WIPF1: variants seen among roughly 807,000 people sequenced by gnomAD.
WIPF1 encodes the protein WAS/WASL-interacting protein family member 1.
WIPF1 carries 13 observed loss-of-function variants against 35.4 expected under a neutral mutation model. The observed-to-expected ratio is 0.37, with a 90% confidence interval of 0.24 to 0.58. WIPF1 has a LOEUF of 0.58. WIPF1 is among the 20% of genes least tolerant of loss of function. WIPF1 has a pLI of 0.74. For synonymous variants in WIPF1, 267 were observed against 266.3 expected (o/e 1.00, Z -0.02); for missense variants, 591 against 667.0 (o/e 0.89, Z 1.25).
upstream of WIPF1, among the ~76,000 whole-genome samples, chr2:174,601,640 A>T (rs1219749194): frequency 6.6e-6 from 1 of 152,368 alleles, no homozygotes; most frequent in East Asian, 1.9e-4. Context: ...CAGGTGCTGG[A>T]TGTAACAGTG....
At chr2:174,632,353 TAGG>T (rs776239447) in intron 1 of WIPF1, among the ~76,000 whole-genome samples, 13 of 151,868 alleles carry the variant, frequency 8.6e-5, no homozygotes, top group Non-Finnish European at 1.3e-4. Flanking sequence ...GGCTGAGAAA[TAGG>T]AGAGAATAAG....
At chr2:174,669,892 TA>T (rs1687971344) in intron 1 of WIPF1, among the ~76,000 whole-genome samples, 1 of 152,096 alleles carries the variant, frequency 6.6e-6, no homozygotes, top group Non-Finnish European at 1.5e-5. Context: ...AAATAAAATT[TA>T]AAAATAATTT....
rs75689219 is a variant in WIPF1 at position 174,676,315 on chromosome 2, CTTTTTTTTTTTTTTTT to C, written c.-39+6443_-39+6458del. On this transcript the variant is annotated intron_variant, in intron 1 of 8. Coordinates refer to the WIPF1 transcript ENST00000272746. Reference sequence around the variant, plus strand: ...CCCTTCCTTCCTTCCTCCCTCCCTTCTTTTTTTTTTTTTTTTTTTTTTTTGACAGGGTCTCACTCTG... The same window carrying C: ...CCCTTCCTTCCTTCCTCCCTCCCTTCTTTTTTTTGACAGGGTCTCACTCTG... 5.4e-5 allele frequency: 3 copies of C among 55,072 alleles called. No homozygotes were observed. The East Asian group carries it at 1.8e-3, about 32-fold the overall frequency. 3.4% of individuals were successfully genotyped at this position (55,072 alleles called of 1,614,324 possible).
At chr2:174,648,284 T>G (rs1356892535) in intron 1 of WIPF1, among the ~76,000 whole-genome samples, 1 of 152,198 alleles carries the variant, frequency 6.6e-6, no homozygotes, top group Non-Finnish European at 1.5e-5. Context: ...GTGCCTAAAG[T>G]AGAACAAGGG....
chr2:174,616,346 A>G (rs1294414399), intron 1 of WIPF1, among the ~76,000 whole-genome samples: 1 of 152,144 alleles, frequency 6.6e-6, no homozygotes, highest in African/African-American at 2.4e-5. Context: ...TCATGTGTCT[A>G]TAAGAGGATT....
intron 1 of WIPF1, among the ~76,000 whole-genome samples, chr2:174,676,163 G>A (rs185990495): frequency 1.9e-4 from 29 of 149,168 alleles, no homozygotes; most frequent in African/African-American, 6.7e-4. Context: ...GTCCCACTAT[G>A]TTGCCCAGGC....
At chr2:174,611,957 C>T (rs894373423) in intron 1 of WIPF1, among the ~76,000 whole-genome samples, 22 of 152,150 alleles carry the variant, frequency 1.4e-4, no homozygotes, top group African/African-American at 4.1e-4. Context: ...AGTGCAGTGG[C>T]ATGATCAACT....
chr2:174,619,494 T>G (rs1686611080), intron 1 of WIPF1, among the ~76,000 whole-genome samples: 1 of 152,236 alleles, frequency 6.6e-6, no homozygotes, highest in Non-Finnish European at 1.5e-5. Flanking sequence ...AATGTCAATA[T>G]CTTTATACAC....
At chr2:174,595,102 AAAAAAAAATATATATATAT>A (rs1685755499) in intron 1 of WIPF1, among the ~76,000 whole-genome samples, 1 of 44,136 alleles carries the variant, frequency 2.3e-5, no homozygotes, top group African/African-American at 7.5e-5. Context: ...AAAAAAAAAA[AAAAAAAAATATATATATAT>A]ATATATATAT....
intron 1 of WIPF1, 144 bp from the exon 2 acceptor site, chr2:174,585,755 A>T: frequency 1.5e-6 from 1 of 655,512 alleles, no homozygotes; most frequent in Non-Finnish European, 2.7e-6. Flanking sequence ...TCACTGCTAA[A>T]ACATTACTGT....
At chr2:174,676,302 TCCTC>T (rs1467348150) in intron 1 of WIPF1, 12 of 127,950 alleles carry the variant, frequency 9.4e-5, no homozygotes, top group Middle Eastern at 3.9e-3. Flanking sequence ...CTTCCTTCCT[TCCTC>T]CCTCCCTTCT....
chr2:174,599,785 C>T (rs1014268329), upstream of WIPF1, among the ~76,000 whole-genome samples: 1 of 83,588 alleles, frequency 1.2e-5, no homozygotes, highest in East Asian at 4.6e-4. Flanking sequence ...CAAACACACA[C>T]ACACACACTC....
chr2:174,579,096 C>A (rs776431649), intron 3 of WIPF1, among the ~76,000 whole-genome samples: 2 of 152,162 alleles, frequency 1.3e-5, no homozygotes, highest in Non-Finnish European at 2.9e-5. Flanking sequence ...TGGCTCACTG[C>A]AACCTCTGCC....
chr2:174,592,693 C>A (rs1685659291), intron 1 of WIPF1, among the ~76,000 whole-genome samples: 1 of 151,030 alleles, frequency 6.6e-6, no homozygotes, highest in Admixed American at 6.6e-5. Flanking sequence ...GCAACCTCCA[C>A]CTCCTGGGTT....
At chr2:174,665,796 G>A (rs1279011364) in intron 1 of WIPF1, 1 of 152,196 alleles carries the variant, frequency 6.6e-6, no homozygotes, top group Non-Finnish European at 1.5e-5. Context: ...CAGAACCCTG[G>A]TTTAGACAAT....
intron 1 of WIPF1, among the ~76,000 whole-genome samples, chr2:174,617,906 A>T (rs934748601): frequency 6.6e-6 from 1 of 152,216 alleles, no homozygotes; most frequent in Non-Finnish European, 1.5e-5. Context: ...TGTGGTCTGG[A>T]AAGGCAGAGG....
At chr2:174,588,191 G>A (rs1685485917) in intron 1 of WIPF1, among the ~76,000 whole-genome samples, 1 of 152,240 alleles carries the variant, frequency 6.6e-6, no homozygotes, top group Admixed American at 6.5e-5. Flanking sequence ...AGTTGGGAAA[G>A]GCTTACCAAG....
chr2:174,627,652 TC>T (rs1686890559), intron 1 of WIPF1, among the ~76,000 whole-genome samples: 1 of 151,858 alleles, frequency 6.6e-6, no homozygotes, highest in South Asian at 2.1e-4. Context: ...GCTCAAGTGA[TC>T]CCCCTGCCTC....
At position 174,571,626 on chromosome 2, in the gene WIPF1, A is replaced by G; in HGVS notation, c.1129+50T>C. 6.2e-7 allele frequency: 1 copy of G among 1,612,388 alleles called. No homozygotes were observed. Among genetic ancestry groups the G allele is most frequent in the Non-Finnish European group, 8.5e-7 (1 of 1,178,704 alleles). ...TCTTGACTGACAGGATTATTGGTACATTTGGGCAGGCTGGGTTTTGGAAGC... is the reference window on the plus strand; with the variant it reads ...TCTTGACTGACAGGATTATTGGTACGTTTGGGCAGGCTGGGTTTTGGAAGC... On this transcript the variant is annotated intron_variant, in intron 5 of 7. Transcript: ENST00000679041. This position sits in a 1 kb window ranked among gnomAD's most constrained non-coding sequence, Gnocchi z 4.6.
Sources: gnomAD v4.1 joint callset for allele counts (sites outside exome capture counted in the v4.1 genomes callset) on GRCh38, gnomAD v4.1.1 for gene constraint, Gnocchi (gnomAD v3.1) non-coding constraint, MANE v1.5 for transcripts, NCBI Gene and HGNC (gene_info 2026-07-23, HGNC 2026-07-21) for gene names.